KCNJ3: variants seen among roughly 807,000 people sequenced by gnomAD.
KCNJ3 encodes the protein potassium inwardly rectifying channel subfamily J member 3, also known as G protein-activated inward rectifier potassium channel 1.
Under a neutral mutation model 39.2 loss-of-function variants are expected in KCNJ3, and 4 were observed. The ratio of observed to expected loss-of-function variants is 0.10; its 90% CI spans 0.05 to 0.23. KCNJ3 has a LOEUF of 0.23. Ranked by LOEUF, KCNJ3 falls within the 10% of genes least tolerant of loss-of-function variation. KCNJ3 has a pLI of 1.00. For synonymous variants in KCNJ3, 230 were observed against 237.4 expected, an observed-to-expected ratio of 0.97 and a Z score of 0.29; for missense variants, 276 against 634.9, an observed-to-expected ratio of 0.43 and a Z score of 6.08.
intron 2 of KCNJ3, among the ~76,000 whole-genome samples, chr2:154,761,014 G>C (rs1049158281): frequency 2.7e-5 from 4 of 149,992 alleles, no homozygotes; most frequent in Non-Finnish European, 5.9e-5. Flanking sequence ...TGGGATTACA[G>C]GTGTGAGCCA....
intron 1 of KCNJ3, among the ~76,000 whole-genome samples, chr2:154,705,259 A>G (rs922510319): frequency 1.3e-4 from 20 of 152,190 alleles, no homozygotes; most frequent in African/African-American, 3.9e-4. Context: ...GCACTTGGCC[A>G]TATATCCACG....
intron 2 of KCNJ3, among the ~76,000 whole-genome samples, chr2:154,740,048 CAAAGT>C (rs1452538848): frequency 6.6e-6 from 1 of 151,856 alleles, no homozygotes. Flanking sequence ...TAAAATGAAA[CAAAGT>C]AAACATAAAC....
intron 2 of KCNJ3, among the ~76,000 whole-genome samples, chr2:154,782,972 T>C (rs1054190270): frequency 4.6e-5 from 7 of 151,822 alleles, no homozygotes; most frequent in African/African-American, 1.7e-4. Flanking sequence ...AGGGCAGGAG[T>C]TCGAGACCAG....
intron 2 of KCNJ3, among the ~76,000 whole-genome samples, chr2:154,790,162 G>GCACA (rs56744880): frequency 0.16 from 24,701 of 151,938 alleles, 2,139 homozygotes; most frequent in East Asian, 0.33. Context: ...TCCAAAAATA[G>GCACA]CACAGTGTTC....
At chr2:154,754,562 A>G (rs1685905952) in intron 2 of KCNJ3, among the ~76,000 whole-genome samples, 1 of 152,220 alleles carries the variant, frequency 6.6e-6, no homozygotes. Context: ...GGCATGAGCC[A>G]CCGCACCCGG....
intron 2 of KCNJ3, among the ~76,000 whole-genome samples, chr2:154,763,303 G>T (rs370140736): frequency 3.0e-4 from 46 of 152,084 alleles, no homozygotes; most frequent in African/African-American, 1.1e-3. Flanking sequence ...CTTCCCCATT[G>T]GATTTTCTCT....
intron 2 of KCNJ3, among the ~76,000 whole-genome samples, chr2:154,757,516 G>T (rs1685962224): frequency 6.6e-6 from 1 of 151,644 alleles, no homozygotes; most frequent in Non-Finnish European, 1.5e-5. Flanking sequence ...ATATTTTGTT[G>T]ATTTTTTTCT....
intron 2 of KCNJ3, among the ~76,000 whole-genome samples, chr2:154,742,596 G>A (rs1385305830): frequency 6.6e-6 from 1 of 151,788 alleles, no homozygotes; most frequent in South Asian, 2.1e-4. Context: ...TGTCATTATT[G>A]TTTTGGTTTG....
chr2:154,815,179 T>C (rs1029903290), intron 2 of KCNJ3, among the ~76,000 whole-genome samples: 2 of 152,220 alleles, frequency 1.3e-5, no homozygotes, highest in African/African-American at 2.4e-5. Flanking sequence ...TAGAAATTAT[T>C]TTTTTCTGTA....
intron 2 of KCNJ3, among the ~76,000 whole-genome samples, chr2:154,825,541 A>ATTAATTAT (rs1553461225): frequency 1.4e-5 from 2 of 144,112 alleles, no homozygotes; most frequent in African/African-American, 5.1e-5. Flanking sequence ...AACTCATGAA[A>ATTAATTAT]TTATTTATTT....
intron 2 of KCNJ3, among the ~76,000 whole-genome samples, chr2:154,717,292 G>A (rs1255103325): frequency 6.6e-6 from 1 of 152,148 alleles, no homozygotes; most frequent in East Asian, 1.9e-4. Flanking sequence ...ATTAGCCCTG[G>A]ATAACAGTTT....
intron 2 of KCNJ3, among the ~76,000 whole-genome samples, chr2:154,821,400 C>T (rs189318789): frequency 4.3e-4 from 65 of 152,222 alleles, no homozygotes; most frequent in Admixed American, 1.4e-3. Context: ...TAATCCACTA[C>T]GAAGTTTGAA....
At chr2:154,716,075 ATTATT>A (rs1685174369) in intron 2 of KCNJ3, among the ~76,000 whole-genome samples, 1 of 151,694 alleles carries the variant, frequency 6.6e-6, no homozygotes, top group Non-Finnish European at 1.5e-5. Flanking sequence ...AATGGACATA[ATTATT>A]TTATTTTTTC....
chr2:154,724,199 C>A (rs1030010144), intron 2 of KCNJ3, among the ~76,000 whole-genome samples: 12 of 152,046 alleles, frequency 7.9e-5, no homozygotes, highest in African/African-American at 2.4e-4. Context: ...CTCATGGTGA[C>A]AATTTCCCAT....
chr2:154,830,954 T>A (rs1262610845), intron 2 of KCNJ3, among the ~76,000 whole-genome samples: 2 of 152,180 alleles, frequency 1.3e-5, no homozygotes, highest in Admixed American at 1.3e-4. Flanking sequence ...AAGAAATTGT[T>A]CCTAGCCAGC....
chr2:154,740,893 A>G (rs1476619207), intron 2 of KCNJ3, among the ~76,000 whole-genome samples: 1 of 151,962 alleles, frequency 6.6e-6, no homozygotes, highest in Non-Finnish European at 1.5e-5. Flanking sequence ...GAGCAGTACC[A>G]AGCACTTTAG....
intron 2 of KCNJ3, among the ~76,000 whole-genome samples, chr2:154,738,309 G>A (rs1163054152): frequency 5.3e-5 from 8 of 151,972 alleles, no homozygotes; most frequent in Non-Finnish European, 1.2e-4. Flanking sequence ...TTATTAATGG[G>A]TACAAAAAAG....
chr2:154,835,508 A>T (rs957364170), intron 2 of KCNJ3, among the ~76,000 whole-genome samples: 5 of 135,796 alleles, frequency 3.7e-5, no homozygotes, highest in East Asian at 4.2e-4. Context: ...TATATATCAA[A>T]ATATATATAT....
chr2:154,714,402 T>C (rs3106656), intron 2 of KCNJ3, among the ~76,000 whole-genome samples: 152,121 of 152,234 alleles, frequency 1, 76,004 homozygotes, highest in Non-Finnish European at 1. Context: ...ACATCCCTGC[T>C]TCTTCCTACT....
Sources: allele counts gnomAD v4.1 joint callset (sites outside exome capture counted in the v4.1 genomes callset), GRCh38; gene constraint gnomAD v4.1.1; transcripts MANE v1.5; gene names NCBI Gene and HGNC (gene_info 2026-07-23, HGNC 2026-07-21).